The following TPRG1 variants were observed in gnomAD, a reference collection of about 807,000 sequenced individuals.
TPRG1 encodes the protein tumor protein p63-regulated gene 1 protein.
A neutral mutation model predicts 29.3 loss-of-function variants in TPRG1; 29 were observed. The ratio of observed to expected loss-of-function variants is 0.99; its 90% CI spans 0.74 to 1.35. TPRG1 has a LOEUF of 1.35. Ranked by LOEUF, TPRG1 falls within the 40% of genes most tolerant of loss-of-function variation. The pLI is 0.00. For missense variants in TPRG1, 327 were observed against 335.0 expected (o/e 0.98, Z 0.19); for synonymous variants, 130 against 116.8 (o/e 1.11, Z -0.73).
chr3:189,014,909 T>C (rs1712843357), intron 3 of TPRG1, among the ~76,000 whole-genome samples: 1 of 151,918 alleles, frequency 6.6e-6, no homozygotes, highest in Non-Finnish European at 1.5e-5. Flanking sequence ...CTACAGAAAA[T>C]TGGTACCAGG....
chr3:189,043,448 G>T lies in TPRG1; in HGVS notation c.-463+19502G>T, dbSNP rs548639023. On this transcript the variant is annotated intron_variant, in intron 4 of 10. Transcript: ENST00000433971. Reference sequence around the variant, plus strand: ...TTTTTCCATTCACACAAATGACAAGGTTGGACTGCATATCATGCAGGCCCT... The same window carrying T: ...TTTTTCCATTCACACAAATGACAAGTTTGGACTGCATATCATGCAGGCCCT... Among the ~76,000 whole-genome samples, 236 of 152,232 alleles carry T rather than the reference G, an allele frequency of 1.6e-3. 1 individual carries two copies. Among genetic ancestry groups the T allele is most frequent in the Admixed American group, 2.7e-3 (42 of 15,296 alleles).
chr3:189,112,981 C>G (rs1720727917), intron 1 of TPRG1, among the ~76,000 whole-genome samples: 1 of 152,142 alleles, frequency 6.6e-6, no homozygotes, highest in African/African-American at 2.4e-5. Flanking sequence ...TGGCCATTTT[C>G]ACGATATTGA....
At chr3:188,999,524 A>G (rs539589017) in intron 1 of TPRG1, among the ~76,000 whole-genome samples, 34 of 152,306 alleles carry the variant, frequency 2.2e-4, no homozygotes, top group Non-Finnish European at 4.6e-4. Flanking sequence ...GCGTAATTCC[A>G]TCCTGCCATA....
At chr3:189,245,023 C>A (rs576807566) in intron 4 of TPRG1, among the ~76,000 whole-genome samples, 1 of 152,106 alleles carries the variant, frequency 6.6e-6, no homozygotes, top group African/African-American at 2.4e-5. Flanking sequence ...GGAGTTCAAG[C>A]GATTCTCCTG....
intron 4 of TPRG1, among the ~76,000 whole-genome samples, chr3:189,286,998 G>A (rs911443317): frequency 6.6e-6 from 1 of 152,084 alleles, no homozygotes; most frequent in African/African-American, 2.4e-5. Context: ...TTATACAGTT[G>A]TTGATGATGA....
intron 4 of TPRG1, among the ~76,000 whole-genome samples, chr3:189,091,327 TATATA>T: frequency 6.6e-6 from 1 of 152,308 alleles, no homozygotes; most frequent in South Asian, 2.1e-4. Context: ...ATATCATTTG[TATATA>T]ATATCATGTA....
intron 3 of TPRG1, among the ~76,000 whole-genome samples, chr3:189,229,750 C>T (rs568164622): frequency 4.6e-5 from 7 of 152,166 alleles, no homozygotes; most frequent in African/African-American, 1.7e-4. Context: ...ACCAGGAAGC[C>T]CAGCTGTGCT....
In TPRG1 at chr3:189,183,882, G is replaced by A. The variant is rs539501620; in HGVS notation, c.-10+11751G>A. Reference sequence around the variant, plus strand: ...TCCTGAGGGGACATACATCCTCCTCGGCTTACGAGATGACAGGATTAAGAG... The same window carrying A: ...TCCTGAGGGGACATACATCCTCCTCAGCTTACGAGATGACAGGATTAAGAG... On this transcript the variant is annotated intron_variant, in intron 1 of 5. Transcript: ENST00000345063. Among the ~76,000 whole-genome samples the A allele has an allele frequency of 1.6e-3, 244 of 151,062 alleles. 2 individuals carry two copies. The highest frequency in any genetic ancestry group is 1.9e-4 in the Non-Finnish European group (13 of 67,850).
At chr3:189,159,893 C>T (rs1267948808) in intron 5 of TPRG1, among the ~76,000 whole-genome samples, 2 of 146,558 alleles carry the variant, frequency 1.4e-5, no homozygotes, top group Non-Finnish European at 3.0e-5. Context: ...GGTTCACGAG[C>T]TGCAAAGATC....
intron 2 of TPRG1, among the ~76,000 whole-genome samples, chr3:189,213,636 C>T (rs1351508904): frequency 1.3e-5 from 2 of 152,120 alleles, no homozygotes; most frequent in Non-Finnish European, 2.9e-5. Context: ...CATCTTCTGT[C>T]TTCATCACAT....
intron 3 of TPRG1, among the ~76,000 whole-genome samples, chr3:189,020,053 G>C (rs1713207161): frequency 6.6e-6 from 1 of 152,036 alleles, no homozygotes; most frequent in Non-Finnish European, 1.5e-5. Flanking sequence ...ATGGTAGTTT[G>C]TATTTCTGTG....
chr3:189,181,979 CAAAG>C lies in TPRG1; in HGVS notation c.-10+9854_-10+9857del, dbSNP rs536028016. On this transcript the variant is annotated intron_variant, in intron 1 of 5. Transcript: ENST00000345063. ...CATGTCTTACATGGATGGCAGCAGA[CAAAG>C]AAAGAGAATTTGGGCAGGGTAACTC... Among the ~76,000 whole-genome samples the C allele has an allele frequency of 1.6e-3, 251 of 152,260 alleles. 1 individual carries two copies. The highest frequency in any genetic ancestry group is 5.6e-3 in the African/African-American group (232 of 41,554).
At chr3:189,193,409 C>CTTT (rs1336685240) in intron 1 of TPRG1, among the ~76,000 whole-genome samples, 2 of 152,006 alleles carry the variant, frequency 1.3e-5, no homozygotes, top group African/African-American at 4.8e-5. Flanking sequence ...TGGGTTTAAT[C>CTTT]TATTTGGGTA....
intron 1 of TPRG1, among the ~76,000 whole-genome samples, chr3:189,113,941 A>G (rs1185780340): frequency 6.6e-6 from 1 of 151,958 alleles, no homozygotes; most frequent in African/African-American, 2.4e-5. Flanking sequence ...AAATAAAATA[A>G]AATAAAATAA....
At chr3:189,126,022 G>A (rs1203852900) in intron 1 of TPRG1, among the ~76,000 whole-genome samples, 1 of 152,064 alleles carries the variant, frequency 6.6e-6, no homozygotes, top group Non-Finnish European at 1.5e-5. Context: ...CTCCCTGCCA[G>A]CTCTATAAGC....
At chr3:189,185,209 C>T (rs1463980573) in intron 1 of TPRG1, among the ~76,000 whole-genome samples, 1 of 152,028 alleles carries the variant, frequency 6.6e-6, no homozygotes, top group Admixed American at 6.6e-5. Context: ...TTTGAAGGTG[C>T]CAGCTTGGGT....
chr3:189,307,824 A>T lies in TPRG1; in HGVS notation c.480-2562A>T, dbSNP rs73058115. On this transcript the variant is annotated intron_variant, in intron 4 of 5. Transcript: ENST00000345063. Reference sequence around the variant, plus strand: ...TGACATTCTACAGTTTATAAACCTTATCTGCATTTCCACTGAGAAATAGCT... The same window carrying T: ...TGACATTCTACAGTTTATAAACCTTTTCTGCATTTCCACTGAGAAATAGCT... Among the ~76,000 whole-genome samples, 1,386 of 152,312 alleles carry T rather than the reference A, an allele frequency of 9.1e-3. 37 individuals carry two copies. The highest frequency in any genetic ancestry group is 0.032 in the African/African-American group (1,330 of 41,562).
intron 4 of TPRG1, among the ~76,000 whole-genome samples, chr3:189,046,473 T>C (rs1183309253): frequency 6.6e-6 from 1 of 152,158 alleles, no homozygotes; most frequent in Non-Finnish European, 1.5e-5. Context: ...TTTTTCTGGC[T>C]TGAGATATAG....
At chr3:189,068,282 A>G (rs1716584282) in intron 4 of TPRG1, among the ~76,000 whole-genome samples, 1 of 152,174 alleles carries the variant, frequency 6.6e-6, no homozygotes, top group Non-Finnish European at 1.5e-5. Flanking sequence ...AAATAAAACT[A>G]CCAGATGATT....
Sources: allele counts gnomAD v4.1 joint callset (sites outside exome capture counted in the v4.1 genomes callset), GRCh38; gene constraint gnomAD v4.1.1; transcripts MANE v1.5; gene names NCBI Gene and HGNC (gene_info 2026-07-23, HGNC 2026-07-21).